Variants in RECQL5 observed in about 807,000 individuals in gnomAD.
The protein encoded by RECQL5 is ATP-dependent DNA helicase Q5.
Under a neutral mutation model 103.4 loss-of-function variants are expected in RECQL5, and 88 were observed. The ratio of observed to expected loss-of-function variants is 0.85; its 90% CI spans 0.72 to 1.02. The LOEUF (loss-of-function observed/expected upper bound fraction) is 1.02, where lower values mean the gene tolerates loss of function less well. RECQL5 is among the 50% of genes least tolerant of loss of function. The pLI is 0.00. For missense variants in RECQL5, 1,232 were observed against 1,284.3 expected (o/e 0.96, Z 0.62); for synonymous variants, 552 against 507.9 (o/e 1.09, Z -1.17).
rs368807757 is a variant in RECQL5, at chr17:75,651,816, A to AT, written c.1150-552dup. On this transcript the variant is annotated intron_variant, in intron 7 of 19. Coordinates refer to ENST00000317905, the MANE Select transcript of RECQL5 (RefSeq NM_004259.7). ...TAGGAAGCGCTATATAATATCACCT[A>AT]TTTTAATAATAGTAAATACACGCAC... 1.2e-3 allele frequency among the ~76,000 whole-genome samples: 185 copies of AT among 152,332 alleles called. 2 individuals carry two copies. The highest frequency in any genetic ancestry group is 4.3e-3 in the African/African-American group (180 of 41,588).
intron 8 of RECQL5, chr17:75,633,473 G>A (rs1294831808): frequency 7.8e-7 from 1 of 1,288,992 alleles, no homozygotes; most frequent in Non-Finnish European, 1.0e-6. Context: ...CAAGGAACAT[G>A]AGGCGCCTTG....
chr17:75,640,923 C>T lies in RECQL5; in HGVS notation c.1230-9255G>A, dbSNP rs1278225358. 1.3e-6 allele frequency: 2 copies of T among 1,538,502 alleles called. No homozygotes were observed. Among genetic ancestry groups the T allele is most frequent in the Admixed American group, 2.0e-5 (1 of 50,964 alleles). On this transcript the variant is annotated intron_variant, in intron 8 of 19. Coordinates refer to ENST00000317905, the MANE Select transcript of RECQL5 (RefSeq NM_004259.7). The surrounding 1 kb of genome is among the most constrained non-coding windows in gnomAD (Gnocchi z 4.6). ...CGGACGGGCGATGGCTGAGGAGAAG[C>T]TGGAGAGGAGATGGCCAATGCCATG...
At chr17:75,631,106 G>A in intron 10 of RECQL5, 44 bp downstream of exon 10, 2 of 1,609,622 alleles carry the variant, frequency 1.2e-6, no homozygotes, top group Non-Finnish European at 1.7e-6. Flanking sequence ...GCGAGCAGGG[G>A]GCCACCAGGG....
intron 15 of RECQL5, 49 bp from the exon 16 acceptor site, chr17:75,629,524 T>C (rs1487849812): frequency 1.3e-6 from 2 of 1,499,366 alleles, no homozygotes; most frequent in East Asian, 4.6e-5. Flanking sequence ...TAGGCCCCCT[T>C]GAGGGCACCG....
chr17:75,635,610 C>T (rs1445129131), intron 8 of RECQL5, among the ~76,000 whole-genome samples: 1 of 152,194 alleles, frequency 6.6e-6, no homozygotes, highest in Non-Finnish European at 1.5e-5. Flanking sequence ...AGGCTCAGTG[C>T]CACAAATAGG....
At position 75,640,919 on chromosome 17, in the gene RECQL5, G is replaced by A. The variant is rs1331930833; in HGVS notation, c.1230-9251C>T. ...ATGACGGACGGGCGATGGCTGAGGA[G>A]AAGCTGGAGAGGAGATGGCCAATGC... On this transcript the variant is annotated intron_variant, in intron 8 of 19. Coordinates refer to ENST00000317905, the MANE Select transcript of RECQL5 (RefSeq NM_004259.7). This position sits in a 1 kb window ranked among gnomAD's most constrained non-coding sequence, Gnocchi z 4.6. The A allele has an allele frequency of 6.5e-7, 1 of 1,539,450 alleles. No individual in the cohort carries two copies. The highest frequency in any genetic ancestry group is 1.4e-5 in the African/African-American group (1 of 73,168).
intron 3 of RECQL5, among the ~76,000 whole-genome samples, chr17:75,663,718 T>C (rs1210707900): frequency 6.6e-6 from 1 of 152,186 alleles, no homozygotes; most frequent in Non-Finnish European, 1.5e-5. Context: ...TTCTATCTAA[T>C]AGCATTGTTG....
chr17:75,664,979 G>T, intron 3 of RECQL5, 72 bp downstream of exon 3: 1 of 1,466,800 alleles, frequency 6.8e-7, no homozygotes, highest in Non-Finnish European at 9.0e-7. Flanking sequence ...CAATAGAGAA[G>T]TGAAATTTCC....
chr17:75,628,020 AAAG>A (rs1598973798), intron 18 of RECQL5, among the ~76,000 whole-genome samples, 195 bp downstream of exon 18: 1 of 150,806 alleles, frequency 6.6e-6, no homozygotes, highest in East Asian at 1.9e-4. Flanking sequence ...AAAAAAAAAA[AAAG>A]AGAGCAGGAC....
intron 3 of RECQL5, 59 bp downstream of exon 3, chr17:75,664,992 C>T (rs2059748874): frequency 4.0e-6 from 6 of 1,485,446 alleles, no homozygotes; most frequent in Admixed American, 2.7e-5. Flanking sequence ...AAATTTCCAG[C>T]CTCAAAAAAC....
At chr17:75,666,184 G>A (rs961587486) in intron 2 of RECQL5, among the ~76,000 whole-genome samples, 5 of 152,132 alleles carry the variant, frequency 3.3e-5, no homozygotes, top group African/African-American at 1.2e-4. Flanking sequence ...CCAGCACCTT[G>A]GGAGGCCGAG....
At position 75,629,257 on chromosome 17, in the gene RECQL5, G is replaced by A; in HGVS notation, c.2166C>T (p.His722=). ...PRGEVPGGSA[H]YGGPSPEKKA... ...TCTTCTCAGGGGAGGGCCCCCCATA[G>A]TGAGCGCTGCCTCCAGGGACCTCCC... The change falls in exon 16 of 20, where the codon CAC becomes CAT. Residue 722 remains histidine (H), a synonymous_variant. Transcript: ENST00000317905. The A allele has an allele frequency of 6.2e-7, 1 of 1,611,234 alleles. No individual in the cohort carries two copies. Among genetic ancestry groups the A allele is most frequent in the Non-Finnish European group, 8.5e-7 (1 of 1,178,840 alleles).
chr17:75,645,734 G>A (rs1160490604), intron 8 of RECQL5, among the ~76,000 whole-genome samples: 1 of 152,214 alleles, frequency 6.6e-6, no homozygotes, highest in African/African-American at 2.4e-5. Flanking sequence ...AAGAACGACT[G>A]TTCTAAATCT....
In RECQL5 at chr17:75,627,063, G is replaced by A. The variant is rs764886397; in HGVS notation, c.*359C>T. The A allele has an allele frequency of 9.1e-6, 4 of 441,612 alleles. No homozygotes were observed. Among genetic ancestry groups the A allele is most frequent in the South Asian group, 1.7e-5 (1 of 59,578 alleles). 27.4% of individuals were successfully genotyped at this position (441,612 alleles called of 1,614,324 possible). On this transcript the variant is annotated 3_prime_UTR_variant, in exon 20 of 20. Coordinates refer to ENST00000317905, the MANE Select transcript of RECQL5 (RefSeq NM_004259.7). ...TCTGAGGGTCCCCTGGGTAGGTTCC[G>A]ATACCTTGGACAGGTGGGCCTCATC...
chr17:75,644,552 T>C (rs903935354), intron 8 of RECQL5, among the ~76,000 whole-genome samples: 11 of 152,050 alleles, frequency 7.2e-5, no homozygotes, highest in Admixed American at 3.9e-4. Flanking sequence ...GGCACTGCAC[T>C]CCAGCCTGAG....
chr17:75,658,620 G>A (rs367863462), intron 6 of RECQL5, among the ~76,000 whole-genome samples, 160 bp from the exon 7 acceptor site: 5 of 152,114 alleles, frequency 3.3e-5, no homozygotes, highest in South Asian at 2.1e-4. Flanking sequence ...CCATCAGCAC[G>A]TCTCCCTTCT....
rs531896072 is a variant in RECQL5 at position 75,633,002 on chromosome 17, C to G, written c.1230-1334G>C. 2.6e-4 allele frequency among the ~76,000 whole-genome samples: 40 copies of G among 152,374 alleles called. No homozygotes were observed. The South Asian group carries it at 8.3e-3, about 32-fold the overall frequency. ...GGATGCAAGGCTGATTGCAACACCC[C>G]GGTAAGGAAGCAGGGCCTGGCTGAC... On this transcript the variant is annotated intron_variant, in intron 8 of 19. Transcript: ENST00000317905.
At chr17:75,663,652 CACTT>C (rs778708409) in intron 3 of RECQL5, among the ~76,000 whole-genome samples, 1 of 152,184 alleles carries the variant, frequency 6.6e-6, no homozygotes, top group Non-Finnish European at 1.5e-5. Context: ...CATCCTGGCT[CACTT>C]AATCGCCACA....
chr17:75,629,418 C>T lies in RECQL5; in HGVS notation c.2005G>A (p.Ala669Thr), dbSNP rs778590962. 2.7e-6 allele frequency: 4 copies of T among 1,505,930 alleles called. No homozygotes were observed. Among genetic ancestry groups the T allele is most frequent in the Non-Finnish European group, 3.5e-6 (4 of 1,128,040 alleles). 93.3% of individuals were successfully genotyped at this position (1,505,930 alleles called of 1,614,324 possible). A position where few individuals can be genotyped will look rare whatever the true frequency, so the allele number is the denominator to read the frequency against. The change falls in exon 16 of 20, where the codon GCC becomes ACC. Residue 669 changes from alanine (A) to threonine (T), a missense_variant. Coordinates refer to ENST00000317905, the MANE Select transcript of RECQL5 (RefSeq NM_004259.7). Reference protein sequence around the residue: ...FPKGSCPFQTATELMETTRIR... With the variant: ...FPKGSCPFQTTTELMETTRIR... ...CGAGTTGTCTCCATCAGTTCCGTGG[C>T]CGTCTGGAACGGGCAGGAGCCTTTG...
Sources: allele counts gnomAD v4.1 joint callset (sites outside exome capture counted in the v4.1 genomes callset), GRCh38; gene constraint gnomAD v4.1.1; non-coding constraint Gnocchi (gnomAD v3.1); transcripts MANE v1.5; gene names NCBI Gene and HGNC (gene_info 2026-07-23, HGNC 2026-07-21).